Variants in DALRD3 observed in about 807,000 individuals in gnomAD.
DALRD3 encodes DALR anticodon-binding domain-containing protein 3.
A neutral mutation model predicts 56.7 loss-of-function variants in DALRD3; 47 were observed. The ratio of observed to expected loss-of-function variants is 0.83; its 90% CI spans 0.66 to 1.06. DALRD3 has a LOEUF of 1.06. Among genes scored for constraint, DALRD3 ranks in the 50% least tolerant of loss-of-function variants. The pLI, the probability that DALRD3 is intolerant of heterozygous loss-of-function variation, is 0.00. For synonymous variants in DALRD3, 347 were observed against 308.5 expected (o/e 1.12, Z -1.31); for missense variants, 787 against 724.0 (o/e 1.09, Z -1.00).
rs1380483865 is a variant in DALRD3 at position 49,015,505 on chromosome 3, C to CAATTT, written c.*78_*82dup. 1.9e-6 allele frequency: 3 copies of CAATTT among 1,585,224 alleles called. No individual in the cohort carries two copies. The African/African-American group carries it at 4.1e-5, about 21-fold the overall frequency. ...GACAGAACTTTGTAACAAACAGTAC[C>CAATTT]AATTTATTTTGGCCGTGGGTTTTTG... On this transcript the variant is annotated 3_prime_UTR_variant, in exon 12 of 12. Coordinates refer to ENST00000341949, the MANE Select transcript of DALRD3 (RefSeq NM_001009996.3).
At position 49,015,638 on chromosome 3, in the gene DALRD3, G is replaced by A. The variant is rs2093052807; in HGVS notation, c.1582C>T (p.Leu528Phe). Residue 528 changes from leucine (L) to phenylalanine (F), a missense_variant, in exon 12 of 12, where the codon CTC becomes TTC. Leu to Phe is a conservative substitution (Grantham distance 22). Coordinates refer to ENST00000341949, the MANE Select transcript of DALRD3 (RefSeq NM_001009996.3). ...CCCAGCATAGCCAGGCCAGTATGGA[G>A]CACCTCACGCACAGCTCTCAGAAGC... ...LQLLRAVREV[L>F]HTGLAMLGLP... 1.2e-6 allele frequency: 2 copies of A among 1,614,152 alleles called. No homozygotes were observed. Among genetic ancestry groups the A allele is most frequent in the African/African-American group, 1.3e-5 (1 of 75,018 alleles).
chr3:49,018,336 T>C lies in DALRD3; in HGVS notation c.166-18A>G. ...TCCGGAACCTGCGGGAGAACGGGCG[T>C]GTAAAAGAGCCACGGCACGGGGCCC... On this transcript the variant is annotated intron_variant, in intron 1 of 11. Coordinates refer to ENST00000341949, the MANE Select transcript of DALRD3 (RefSeq NM_001009996.3). The C allele has an allele frequency of 6.7e-7, 1 of 1,491,278 alleles. No individual in the cohort carries two copies. Among genetic ancestry groups the C allele is most frequent in the Non-Finnish European group, 8.9e-7 (1 of 1,127,326 alleles). The allele number at this position is 1,491,278 out of a possible 1,614,324, so 92.4% of individuals were successfully genotyped here. A position where few individuals can be genotyped will look rare whatever the true frequency, so the allele number is the denominator to read the frequency against.
In DALRD3 at chr3:49,016,628, A is replaced by G; in HGVS notation, c.1047T>C (p.Gly349=). The G allele has an allele frequency of 6.3e-7, 1 of 1,586,656 alleles. No individual in the cohort carries two copies. Among genetic ancestry groups the G allele is most frequent in the South Asian group, 1.2e-5 (1 of 86,480 alleles). ...QVCKASALKH[G]GDLAQDPAWT... ...CAGGCACACCTTGTGCCAGATCCCCACCATGCTTCAGTGCTGAGGCCTTGC... is the reference window on the plus strand; with the variant it reads ...CAGGCACACCTTGTGCCAGATCCCCGCCATGCTTCAGTGCTGAGGCCTTGC... Residue 349 remains glycine (G), a synonymous_variant, in exon 7 of 12, where the codon GGT becomes GGC. Transcript: ENST00000341949.
chr3:49,016,375 G>GCAGC, intron 8 of DALRD3, 35 bp from the exon 9 acceptor site: 5 of 1,603,262 alleles, frequency 3.1e-6, no homozygotes, highest in Non-Finnish European at 4.3e-6. Context: ...GAGAGAGAAG[G>GCAGC]CAGCCACCAC....
chr3:49,017,258 C>T lies in DALRD3; in HGVS notation c.897G>A (p.Gln299=), dbSNP rs762963691. The change falls in exon 5 of 12, where the codon CAG becomes CAA. Residue 299 remains glutamine, a synonymous_variant. Transcript: ENST00000341949. ...FQQQKLDLLW[Q]KLVDKAPLRQ... ...TGAGTGGAGCCTTGTCAACCAACTT[C>T]TGCCAAAGCAGGTCCAACTTCTGTT... 1.2e-6 allele frequency: 2 copies of T among 1,614,170 alleles called. No homozygotes were observed. The highest frequency in any genetic ancestry group is 1.7e-6 in the Non-Finnish European group (2 of 1,180,002).
Position 49,017,880 on chromosome 3 carries a change from A to C in DALRD3, c.462-11T>G. The C allele has an allele frequency of 6.3e-7, 1 of 1,581,938 alleles. No individual in the cohort carries two copies. The highest frequency in any genetic ancestry group is 1.1e-5 in the South Asian group (1 of 89,350). On this transcript the variant is annotated splice_polypyrimidine_tract_variant and intron_variant, in intron 2 of 11. Transcript: ENST00000341949. Reference sequence around the variant, plus strand: ...AGGCGCACGCACACCCTGCGAAGGGAGGGCGGCCGCCTCAGTCTGAGCACC... The same window carrying C: ...AGGCGCACGCACACCCTGCGAAGGGCGGGCGGCCGCCTCAGTCTGAGCACC...
chr3:49,018,784 C>T (rs991463568), upstream of DALRD3: 199 of 985,334 alleles, frequency 2.0e-4, no homozygotes, highest in Non-Finnish European at 2.3e-4. Flanking sequence ...TCGGGGCCCT[C>T]CCTGGGCCTA....
At chr3:49,015,737 C>T (rs370677021) in intron 11 of DALRD3, 30 bp from the exon 12 acceptor site, 181 of 1,614,082 alleles carry the variant, frequency 1.1e-4, no homozygotes, top group Middle Eastern at 1.7e-4. Context: ...CTGGTCTCAT[C>T]CTCTGCTTCC....
In DALRD3 at chr3:49,016,172, G is replaced by A. The variant is rs759198098; in HGVS notation, c.1315C>T (p.Leu439=). ...GGGACACTCACCTCATCATGTAGCA[G>A]TGAGAAGTCCAGACTGCTCACAGGA... is the stretch of plus-strand genomic sequence containing the variant. ...FPPVSSLDFS[L]LHDEGEWLLL... Residue 439 remains leucine, a synonymous_variant, in exon 9 of 12, where the codon CTG becomes TTG. Transcript: ENST00000341949. The A allele has an allele frequency of 6.2e-7, 1 of 1,614,080 alleles. No homozygotes were observed. The highest frequency in any genetic ancestry group is 8.5e-7 in the Non-Finnish European group (1 of 1,179,952).
At position 49,016,865 on chromosome 3, in the gene DALRD3, G is replaced by C; in HGVS notation, c.928-18C>G. ...AGGTGCTTCTGTCAGAAAGATGTCA[G>C]GGGCTCAGCCTAGTTGGCGCTACTC... On this transcript the variant is annotated intron_variant, in intron 5 of 11. Coordinates refer to ENST00000341949, the MANE Select transcript of DALRD3 (RefSeq NM_001009996.3). 6.2e-7 allele frequency: 1 copy of C among 1,614,114 alleles called. No homozygotes were observed. Among genetic ancestry groups the C allele is most frequent in the South Asian group, 1.1e-5 (1 of 91,058 alleles).
chr3:49,015,650 C>G lies in DALRD3; in HGVS notation c.1570G>C (p.Val524Leu). The G allele has an allele frequency of 6.2e-7, 1 of 1,614,168 alleles. No individual in the cohort carries two copies. The highest frequency in any genetic ancestry group is 1.1e-5 in the South Asian group (1 of 91,088). Residue 524 changes from valine to leucine, a missense_variant, in exon 12 of 12, where the codon GTG becomes CTG. Physicochemically the swap from Val to Leu is conservative, Grantham distance 32. Transcript: ENST00000341949. ...MFVRLQLLRA[V>L]REVLHTGLAM... ...AGGCCAGTATGGAGCACCTCACGCA[C>G]AGCTCTCAGAAGCTGCAGGCGGACG...
At chr3:49,018,729 C>T, upstream of DALRD3, 2 of 985,460 alleles carry the variant, frequency 2.0e-6, no homozygotes, top group Non-Finnish European at 2.4e-6. Flanking sequence ...CCCAGCGCCC[C>T]TTCCGCGTGG....
intron 10 of DALRD3, 42 bp downstream of exon 10, chr3:49,015,931 T>TAAAG (rs769784149): frequency 1.9e-5 from 30 of 1,614,000 alleles, no homozygotes; most frequent in Admixed American, 3.3e-5. Context: ...CAGGCCAGAA[T>TAAAG]AAAGAATAGA....
upstream of DALRD3, chr3:49,018,934 A>C: frequency 2.6e-5 from 26 of 984,346 alleles, no homozygotes; most frequent in Non-Finnish European, 3.0e-5. Context: ...CATTTTACAC[A>C]TGATGAATAT....
chr3:49,018,377 G>A (rs1463757369), intron 1 of DALRD3, 23 bp downstream of exon 1: 10 of 1,535,284 alleles, frequency 6.5e-6, no homozygotes, highest in Non-Finnish European at 7.0e-6. Context: ...CCGGCCGCAC[G>A]GCCCCGCCCG....
rs1424286553 is a variant in DALRD3, at chr3:49,016,090, T to C, written c.1330-4A>G. On this transcript the variant is annotated splice_region_variant and splice_polypyrimidine_tract_variant and intron_variant, in intron 9 of 11. Transcript: ENST00000341949. ...TGAAGAGCAACAACCACTCACCCTGTTGGGGAGAAAGGTGCTGGGAGGGGA... is the reference window on the plus strand; with the variant it reads ...TGAAGAGCAACAACCACTCACCCTGCTGGGGAGAAAGGTGCTGGGAGGGGA... 19 of 1,605,458 alleles carry C rather than the reference T, an allele frequency of 1.2e-5. No individual in the cohort carries two copies. The highest frequency in any genetic ancestry group is 1.4e-5 in the Non-Finnish European group (16 of 1,173,928).
At position 49,016,057 on chromosome 3, in the gene DALRD3, G is replaced by A. The variant is rs2093063504; in HGVS notation, c.1359C>T (p.Ile453=). The stretch of plus-strand genomic sequence containing the variant: ...GGCTCAGCAGATCCGGAAAGGGGAG[G>A]ATACTGTTGAAGAGCAACAACCACT... The part of the protein sequence containing the change: ...EGEWLLLFNS[I]LPFPDLLSRT... The change falls in exon 10 of 12, where the codon ATC becomes ATT. Residue 453 remains isoleucine, a synonymous_variant. Transcript: ENST00000341949. 3 of 1,600,922 alleles carry A rather than the reference G, an allele frequency of 1.9e-6. No homozygotes were observed. Among genetic ancestry groups the A allele is most frequent in the South Asian group, 1.1e-5 (1 of 89,626 alleles).
rs2093116014 is a variant in DALRD3 at position 49,018,335 on chromosome 3, G to A, written c.166-17C>T. ...CTCCGGAACCTGCGGGAGAACGGGC[G>A]TGTAAAAGAGCCACGGCACGGGGCC... is the stretch of plus-strand genomic sequence containing the variant. On this transcript the variant is annotated splice_polypyrimidine_tract_variant and intron_variant, in intron 1 of 11. Transcript: ENST00000341949. The A allele has an allele frequency of 2.7e-6, 4 of 1,490,970 alleles. No homozygotes were observed. Among genetic ancestry groups the A allele is most frequent in the East Asian group, 5.1e-5 (2 of 39,104 alleles). The allele number at this position is 1,490,970 out of a possible 1,614,324, so 92.4% of individuals were successfully genotyped here.
chr3:49,021,485 G>A (rs900338123), upstream of DALRD3: 2 of 154,812 alleles, frequency 1.3e-5, no homozygotes, highest in South Asian at 1.8e-4. This position sits in a 1 kb window ranked among gnomAD's most constrained non-coding sequence, Gnocchi z 4.1. Context: ...CACTATCACA[G>A]CTTGCCCTTC....
Sources: gnomAD v4.1 joint callset for allele counts on GRCh38, gnomAD v4.1.1 for gene constraint, Gnocchi (gnomAD v3.1) non-coding constraint, MANE v1.5 for transcripts, NCBI Gene and HGNC (gene_info 2026-07-23, HGNC 2026-07-21) for gene names.